The following HEXB variants were observed in gnomAD, a reference collection of about 807,000 sequenced individuals.
HEXB encodes the protein hexosaminidase subunit beta.
In HEXB, 51 loss-of-function variants were observed where a neutral mutation model predicts 71.2. That is an observed-to-expected ratio of 0.72 (90% CI 0.57 to 0.90). The LOEUF (loss-of-function observed/expected upper bound fraction) is 0.90, where lower values mean the gene tolerates loss of function less well. Ranked by LOEUF, HEXB falls within the 40% of genes least tolerant of loss-of-function variation. The pLI, the probability that HEXB is intolerant of heterozygous loss-of-function variation, is 0.00. For missense variants in HEXB, 617 were observed against 677.0 expected, an observed-to-expected ratio of 0.91 and a Z score of 0.98; for synonymous variants, 266 against 249.3, an observed-to-expected ratio of 1.07 and a Z score of -0.63.
intron 2 of HEXB, among the ~76,000 whole-genome samples, chr5:74,692,697 A>C (rs1749030423): frequency 6.6e-6 from 1 of 152,218 alleles, no homozygotes; most frequent in Non-Finnish European, 1.5e-5. Context: ...TTCTGTGAGC[A>C]TCTGAATGGT....
intron 11 of HEXB, 113 bp downstream of exon 11, chr5:74,719,084 A>G: frequency 1.0e-6 from 1 of 953,124 alleles, no homozygotes; most frequent in South Asian, 1.3e-5. Flanking sequence ...CCCACCCCAG[A>G]AGTCTTTACC....
chr5:74,688,967 C>A (rs1009267746), intron 1 of HEXB, among the ~76,000 whole-genome samples: 1 of 152,180 alleles, frequency 6.6e-6, no homozygotes, highest in Non-Finnish European at 1.5e-5. Context: ...CTCCCCCTAA[C>A]CCCCACATCC....
chr5:74,673,877 T>C (rs1315432967), intron 1 of HEXB, among the ~76,000 whole-genome samples: 9 of 152,164 alleles, frequency 5.9e-5, no homozygotes, highest in Non-Finnish European at 1.3e-4. Flanking sequence ...AAGGATTCTG[T>C]GAGCCACTCG....
intron 1 of HEXB, among the ~76,000 whole-genome samples, chr5:74,660,977 A>G (rs981961163): frequency 1.3e-5 from 2 of 152,190 alleles, no homozygotes; most frequent in African/African-American, 4.8e-5. Flanking sequence ...CTCACTTGTA[A>G]AGGGAACATG....
At chr5:74,721,005 T>C (rs896681432) in intron 13 of HEXB, 113 bp from the exon 14 acceptor site, 3 of 972,302 alleles carry the variant, frequency 3.1e-6, no homozygotes, top group African/African-American at 1.6e-5. Flanking sequence ...AATGCTGTGA[T>C]TTAGTGATTC....
At chr5:74,709,787 G>A (rs1477862470) in intron 6 of HEXB, among the ~76,000 whole-genome samples, 7 of 152,190 alleles carry the variant, frequency 4.6e-5, no homozygotes, top group African/African-American at 1.7e-4. Context: ...TGAAATTGTG[G>A]CAATAATCAA....
chr5:74,720,393 G>A, intron 11 of HEXB, 35 bp from the exon 12 acceptor site: 1 of 1,414,502 alleles, frequency 7.1e-7, no homozygotes, highest in South Asian at 1.1e-5. Context: ...TATAAGCTTT[G>A]AACTTCTGAA....
intron 1 of HEXB, among the ~76,000 whole-genome samples, chr5:74,668,767 G>C (rs779516390): frequency 3.2e-4 from 48 of 152,154 alleles, no homozygotes; most frequent in Non-Finnish European, 6.5e-4. Context: ...TGTTCTGATG[G>C]TCTCCAATCT....
chr5:74,705,091 CAAAAAA>C (rs10644603), intron 5 of HEXB, 122 bp from the exon 6 acceptor site: 295 of 441,202 alleles, frequency 6.7e-4, no homozygotes, highest in Middle Eastern at 2.0e-3. Flanking sequence ...GACCCTGTCT[CAAAAAA>C]AAAAAAAAAA....
At chr5:74,644,580 C>T (rs1322599627) in intron 1 of HEXB, among the ~76,000 whole-genome samples, 1 of 152,028 alleles carries the variant, frequency 6.6e-6, no homozygotes, top group Non-Finnish European at 1.5e-5. Flanking sequence ...GTAATCGATA[C>T]AAGAAATTAT....
chr5:74,658,959 T>C (rs1460274416), intron 1 of HEXB, among the ~76,000 whole-genome samples: 1 of 152,140 alleles, frequency 6.6e-6, no homozygotes, highest in Non-Finnish European at 1.5e-5. Context: ...TGGCTAACTG[T>C]GGGTATATCC....
In HEXB at chr5:74,685,324, C is replaced by T. The variant is rs1179320600; in HGVS notation, c.64C>T (p.Leu22=). 7.0e-6 allele frequency: 11 copies of T among 1,574,856 alleles called. No homozygotes were observed. Among genetic ancestry groups the T allele is most frequent in the South Asian group, 1.1e-5 (1 of 87,220 alleles). Reference sequence around the variant, plus strand: ...GCTGCTGGCGCTGCTGTTGGCGACACTGCTGGCGGCGATGTTGGCGCTGCT... The same window carrying T: ...GCTGCTGGCGCTGCTGTTGGCGACATTGCTGGCGGCGATGTTGGCGCTGCT... The part of the protein sequence containing the change: ...PMLLALLLAT[L]LAAMLALLTQ... Residue 22 remains leucine (L), a synonymous_variant, in exon 1 of 14, where the codon CTG becomes TTG. Transcript: ENST00000261416.
upstream of HEXB, among the ~76,000 whole-genome samples, chr5:74,683,833 T>C (rs1350397331): frequency 3.3e-5 from 5 of 151,246 alleles, no homozygotes; most frequent in Non-Finnish European, 7.4e-5. Flanking sequence ...TTTTTTTTTT[T>C]TTTTAAGATG....
At chr5:74,712,427 T>C (rs2112169678) in intron 6 of HEXB, among the ~76,000 whole-genome samples, 1 of 133,380 alleles carries the variant, frequency 7.5e-6, no homozygotes, top group South Asian at 2.2e-4. Flanking sequence ...ACTTAAAGTA[T>C]GATAATAATA....
rs1050948329 is a variant in HEXB at position 74,699,216 on chromosome 5, A to G, written c.669+2110A>G. 2.6e-5 allele frequency among the ~76,000 whole-genome samples: 4 copies of G among 152,016 alleles called. No homozygotes were observed. The South Asian group carries it at 8.3e-4, about 31-fold the overall frequency. On this transcript the variant is annotated intron_variant, in intron 5 of 13. Transcript: ENST00000261416. ...ACAAACAAAATGAATATATTAACAT[A>G]TACAATGTGACTTTTTAAAAAACTT...
At chr5:74,658,583 C>T (rs899790320) in intron 1 of HEXB, among the ~76,000 whole-genome samples, 7 of 151,948 alleles carry the variant, frequency 4.6e-5, no homozygotes, top group South Asian at 2.1e-4. Flanking sequence ...GCATATGTCT[C>T]GGGGCCGCAA....
chr5:74,668,630 C>A (rs954977480), intron 1 of HEXB, among the ~76,000 whole-genome samples: 22 of 152,212 alleles, frequency 1.4e-4, no homozygotes, highest in African/African-American at 5.3e-4. Context: ...TGCTATATAG[C>A]AAGGCTGTAA....
At chr5:74,687,619 A>G (rs2112126404) in intron 1 of HEXB, among the ~76,000 whole-genome samples, 1 of 152,348 alleles carries the variant, frequency 6.6e-6, no homozygotes, top group East Asian at 1.9e-4. Context: ...ACCTAGGGTC[A>G]AGGTTCTAAG....
intron 3 of HEXB, 76 bp from the exon 4 acceptor site, chr5:74,696,617 C>A: frequency 2.5e-6 from 2 of 795,952 alleles, no homozygotes; most frequent in Non-Finnish European, 4.4e-6. Context: ...GGTTATGAGT[C>A]TGTTTGAATA....
Sources: gnomAD v4.1 joint callset for allele counts (sites outside exome capture counted in the v4.1 genomes callset) on GRCh38, gnomAD v4.1.1 for gene constraint, MANE v1.5 for transcripts, NCBI Gene and HGNC (gene_info 2026-07-23, HGNC 2026-07-21) for gene names.